Variants in ROBO1 observed in about 807,000 individuals in gnomAD.
ROBO1 encodes roundabout homolog 1.
In ROBO1, 149 loss-of-function variants were observed where a neutral mutation model predicts 195.9. That is an observed-to-expected ratio of 0.76 (90% CI 0.67 to 0.87). ROBO1 has a LOEUF of 0.87. ROBO1 is among the 40% of genes least tolerant of loss of function. The pLI, the probability that ROBO1 is intolerant of heterozygous loss-of-function variation, is 0.00. For missense variants in ROBO1, 1,933 were observed against 2,068.3 expected (o/e 0.93, Z 1.27); for synonymous variants, 816 against 733.2 (o/e 1.11, Z -1.82).
At chr3:79,323,501 AAACT>A (rs1183077708) in intron 2 of ROBO1, among the ~76,000 whole-genome samples, 1 of 152,148 alleles carries the variant, frequency 6.6e-6, no homozygotes, top group Non-Finnish European at 1.5e-5. Context: ...TTTGCACAGA[AAACT>A]ATCTATGCAT....
At chr3:79,018,494 G>A (rs374773260) in intron 3 of ROBO1, 19 of 1,613,230 alleles carry the variant, frequency 1.2e-5, no homozygotes, top group Middle Eastern at 1.6e-4. Context: ...ACAGTCTCAT[G>A]CCAAGAGGAG....
intron 2 of ROBO1, among the ~76,000 whole-genome samples, chr3:79,575,321 C>CCAAT (rs1943439308): frequency 9.9e-6 from 1 of 100,822 alleles, no homozygotes; most frequent in African/African-American, 4.6e-5. Context: ...ATATATATAA[C>CCAAT]ATATATATAA....
chr3:78,867,060 T>G (rs1015798413), intron 4 of ROBO1, among the ~76,000 whole-genome samples: 1 of 152,216 alleles, frequency 6.6e-6, no homozygotes, highest in African/African-American at 2.4e-5. Context: ...TTTTGACAAA[T>G]TGGGACATTA....
intron 29 of ROBO1, among the ~76,000 whole-genome samples, chr3:78,605,317 C>T (rs1703405520): frequency 6.6e-6 from 1 of 152,112 alleles, no homozygotes; most frequent in Non-Finnish European, 1.5e-5. Context: ...TGATTATCTG[C>T]CTACTCTCTA....
In ROBO1 at chr3:78,938,614, C is replaced by T. The variant is rs750389835; in HGVS notation, c.486G>A (p.Ser162=). 3.7e-5 allele frequency: 60 copies of T among 1,608,338 alleles called. No homozygotes were observed. Among genetic ancestry groups the T allele is most frequent in the Non-Finnish European group, 4.3e-5 (50 of 1,175,764 alleles). Residue 162 remains serine (S), a synonymous_variant, in exon 4 of 31, where the codon TCG becomes TCA. Transcript: ENST00000464233. ...CAGTTTACTTACTGGCTACTTCCAG[C>T]GATGCATTGTGGCTCACAGCCTCTC... ...YLGEAVSHNA[S]LEVAILRDDF...
chr3:78,902,961 C>T (rs2037675131), intron 4 of ROBO1, among the ~76,000 whole-genome samples: 2 of 152,130 alleles, frequency 1.3e-5, no homozygotes, highest in African/African-American at 4.8e-5. Context: ...TATTTTCACA[C>T]CTAAGCCACA....
At chr3:79,111,278 A>G (rs1281452339) in intron 3 of ROBO1, among the ~76,000 whole-genome samples, 1 of 152,160 alleles carries the variant, frequency 6.6e-6, no homozygotes, top group Non-Finnish European at 1.5e-5. Context: ...TACATTATAG[A>G]ATGACTTTTT....
chr3:79,323,198 T>C (rs960111769), intron 2 of ROBO1, among the ~76,000 whole-genome samples: 5 of 151,998 alleles, frequency 3.3e-5, no homozygotes, highest in Admixed American at 2.0e-4. Flanking sequence ...TCTTCTGCCT[T>C]AGCCCCCCAA....
intron 10 of ROBO1, among the ~76,000 whole-genome samples, chr3:78,681,370 G>A (rs942493167): frequency 1.3e-5 from 2 of 152,034 alleles, no homozygotes; most frequent in African/African-American, 4.8e-5. Context: ...TGCCACATGA[G>A]GCATTCTGGT....
intron 4 of ROBO1, among the ~76,000 whole-genome samples, chr3:78,822,186 AC>A (rs915169176): frequency 6.6e-6 from 1 of 152,128 alleles, no homozygotes; most frequent in African/African-American, 2.4e-5. Flanking sequence ...TATGCACAGT[AC>A]AAGCATGGGG....
chr3:79,755,480 T>C (rs796920301), intron 1 of ROBO1, among the ~76,000 whole-genome samples: 13 of 152,262 alleles, frequency 8.5e-5, no homozygotes, highest in African/African-American at 2.9e-4. Flanking sequence ...AAAAGCTTTA[T>C]CTTTGTGTAA....
intron 2 of ROBO1, among the ~76,000 whole-genome samples, chr3:79,379,034 C>T (rs2036480533): frequency 6.6e-6 from 1 of 152,068 alleles, no homozygotes; most frequent in Admixed American, 6.6e-5. Context: ...CAACATAAGC[C>T]GAATTGATAT....
At chr3:79,459,840 C>T (rs559577982) in intron 2 of ROBO1, among the ~76,000 whole-genome samples, 19 of 152,152 alleles carry the variant, frequency 1.2e-4, no homozygotes, top group African/African-American at 4.3e-4. Context: ...TGACCCGGAA[C>T]CTGGCAGCCA....
At chr3:78,886,007 C>T (rs1027891049) in intron 4 of ROBO1, among the ~76,000 whole-genome samples, 1 of 143,522 alleles carries the variant, frequency 7.0e-6, no homozygotes, top group Non-Finnish European at 1.5e-5. Context: ...TATACATGAA[C>T]AAGTTTATAT....
chr3:79,606,957 TC>T (rs1326569633), intron 1 of ROBO1, among the ~76,000 whole-genome samples: 1 of 151,968 alleles, frequency 6.6e-6, no homozygotes, highest in East Asian at 1.9e-4. Flanking sequence ...ATACAGTAAG[TC>T]CCCGCTATTA....
At chr3:79,191,810 T>C (rs1339492103) in intron 2 of ROBO1, among the ~76,000 whole-genome samples, 3 of 151,484 alleles carry the variant, frequency 2.0e-5, no homozygotes. Flanking sequence ...AACAATAAAA[T>C]GTTTATATTC....
chr3:78,723,529 T>C (rs1048383202), intron 5 of ROBO1, among the ~76,000 whole-genome samples: 6 of 152,186 alleles, frequency 3.9e-5, no homozygotes, highest in Non-Finnish European at 7.3e-5. Flanking sequence ...AAGTAAATTT[T>C]AGGCTTTATA....
chr3:79,389,641 A>G (rs2036876582), intron 2 of ROBO1, among the ~76,000 whole-genome samples: 1 of 152,184 alleles, frequency 6.6e-6, no homozygotes, highest in Non-Finnish European at 1.5e-5. Flanking sequence ...CAACTTTGGC[A>G]GTGAGCTCTG....
intron 3 of ROBO1, among the ~76,000 whole-genome samples, chr3:78,993,728 T>C (rs2077290512): frequency 6.6e-6 from 1 of 152,156 alleles, no homozygotes. Context: ...CCCATAATTG[T>C]TAATTCCTAT....
Sources: gnomAD v4.1 joint callset for allele counts (sites outside exome capture counted in the v4.1 genomes callset) on GRCh38, gnomAD v4.1.1 for gene constraint, MANE v1.5 for transcripts, NCBI Gene and HGNC (gene_info 2026-07-23, HGNC 2026-07-21) for gene names.